LARGE1: variants seen among roughly 807,000 people sequenced by gnomAD.
LARGE1 encodes the protein xylosyl- and glucuronyltransferase LARGE1.
Under a neutral mutation model 87.6 loss-of-function variants are expected in LARGE1, and 43 were observed. The observed-to-expected ratio is 0.49, with a 90% CI of 0.38 to 0.63. LARGE1 has a LOEUF of 0.63. Ranked by LOEUF, LARGE1 falls within the 30% of genes least tolerant of loss-of-function variation. LARGE1 has a pLI of 0.00. For synonymous variants in LARGE1, 434 were observed against 394.6 expected (o/e 1.10, Z -1.18); for missense variants, 802 against 1,000.2 (o/e 0.80, Z 2.67).
intron 6 of LARGE1, among the ~76,000 whole-genome samples, chr22:33,553,521 C>T (rs999091300): frequency 6.6e-5 from 10 of 151,988 alleles, no homozygotes; most frequent in African/African-American, 2.4e-4. Context: ...GTCACAAAAA[C>T]AAAACAAAAC....
Position 33,291,503 on chromosome 22 carries a change from G to A in LARGE1, c.1731-8155C>T, listed in dbSNP as rs80153952. Among the ~76,000 whole-genome samples, 958 of 152,216 alleles carry A rather than the reference G, an allele frequency of 6.3e-3. 12 individuals are homozygous for A. The highest frequency in any genetic ancestry group is 0.022 in the African/African-American group (925 of 41,544). On this transcript the variant is annotated intron_variant, in intron 12 of 14. Coordinates refer to ENST00000397394, the MANE Select transcript of LARGE1 (RefSeq NM_133642.5). ...GGTGTCCCCCAACATTCATGTGTTG[G>A]AAGCTTAATTCCCAATGCAGCAGCA...
intron 6 of LARGE1, among the ~76,000 whole-genome samples, chr22:33,454,233 T>C (rs1047272716): frequency 6.6e-6 from 1 of 152,160 alleles, no homozygotes; most frequent in Non-Finnish European, 1.5e-5. Flanking sequence ...ATTACAGATT[T>C]GTTTCCCATA....
intron 2 of LARGE1, among the ~76,000 whole-genome samples, chr22:33,653,462 T>C (rs1256394610): frequency 6.6e-6 from 1 of 152,148 alleles, no homozygotes; most frequent in Admixed American, 6.5e-5. Context: ...TGGGCAGAAA[T>C]GCAGGAAGCT....
chr22:33,082,956 C>T, the LARGE1 span, among the ~76,000 whole-genome samples: 8 of 152,052 alleles, frequency 5.3e-5, no homozygotes, highest in African/African-American at 9.7e-5. Flanking sequence ...ACCCGGGAGG[C>T]GGAGCTTGCA....
the LARGE1 span, among the ~76,000 whole-genome samples, chr22:33,089,464 C>CTGTTCT: frequency 7.0e-6 from 1 of 142,352 alleles, no homozygotes; most frequent in South Asian, 2.3e-4. Flanking sequence ...CCTCCTCTTC[C>CTGTTCT]TCTTCTTCTT....
chr22:33,873,382 T>C (rs1156671312), intron 1 of LARGE1: 1 of 151,856 alleles, frequency 6.6e-6, no homozygotes, highest in Non-Finnish European at 1.5e-5. Context: ...TGCTGTGGAG[T>C]TATTTGTCTA....
chr22:33,741,454 C>G (rs149682981), intron 2 of LARGE1, among the ~76,000 whole-genome samples: 4 of 152,326 alleles, frequency 2.6e-5, no homozygotes, highest in Non-Finnish European at 5.9e-5. Context: ...AGACCAACAA[C>G]TGAAGCATCA....
chr22:33,201,452 G>GA lies in LARGE1; in HGVS notation c.1731-34621dup, dbSNP rs1410406263. On this transcript the variant is annotated intron_variant, in intron 11 of 11. Coordinates refer to the LARGE1 transcript ENST00000608642. The stretch of plus-strand genomic sequence containing the variant: ...GGAAAGAAGGAAGGAAGGAAGGGAG[G>GA]AGAAAAGAAAACATAGAACAGGTAA... Among the ~76,000 whole-genome samples, 7 of 136,032 alleles carry GA rather than the reference G, an allele frequency of 5.1e-5. No homozygotes were observed. In the Admixed American group the frequency reaches 5.2e-4, roughly 10 times the overall value. The allele number at this position is 136,032 out of a possible 152,430, so 89.2% of individuals were successfully genotyped here.
chr22:33,890,258 C>T (rs573995471), intron 1 of LARGE1, among the ~76,000 whole-genome samples: 37 of 152,218 alleles, frequency 2.4e-4, no homozygotes, highest in Non-Finnish European at 5.1e-4. Context: ...TCCACAATGC[C>T]TCAGATGCAA....
intron 11 of LARGE1, among the ~76,000 whole-genome samples, chr22:33,307,684 A>C (rs1298147323): frequency 6.6e-6 from 1 of 152,158 alleles, no homozygotes; most frequent in Non-Finnish European, 1.5e-5. Context: ...GTGGGGAAAA[A>C]AGACAATCAA....
At chr22:33,889,889 C>T (rs959311394) in intron 1 of LARGE1, among the ~76,000 whole-genome samples, 7 of 152,210 alleles carry the variant, frequency 4.6e-5, no homozygotes, top group Non-Finnish European at 1.5e-5. Context: ...ACGGAAATGG[C>T]CCCCGCCCTT....
chr22:33,410,460 CAGTG>C (rs906544322), intron 7 of LARGE1, among the ~76,000 whole-genome samples: 10 of 152,160 alleles, frequency 6.6e-5, no homozygotes, highest in African/African-American at 1.4e-4. Flanking sequence ...GTTCTCGTGA[CAGTG>C]AGTGAGTTCT....
intron 1 of LARGE1, among the ~76,000 whole-genome samples, chr22:33,870,044 G>C (rs532112445): frequency 6.6e-5 from 10 of 152,290 alleles, no homozygotes; most frequent in Admixed American, 2.6e-4. Context: ...ACCTTATTTG[G>C]AAACAAGTTC....
chr22:33,122,665 G>GT, the LARGE1 span, among the ~76,000 whole-genome samples: 2 of 151,966 alleles, frequency 1.3e-5, no homozygotes, highest in Non-Finnish European at 2.9e-5. Flanking sequence ...AGCCTGTTTT[G>GT]TTTTTTTCTA....
intron 1 of LARGE1, among the ~76,000 whole-genome samples, chr22:33,781,073 T>A (rs1164108912): frequency 6.6e-6 from 1 of 152,254 alleles, no homozygotes; most frequent in Non-Finnish European, 1.5e-5. Flanking sequence ...GCTTTAAGAA[T>A]CAATAGCCTG....
chr22:33,301,174 A>C (rs2146115338), intron 12 of LARGE1, among the ~76,000 whole-genome samples: 1 of 152,326 alleles, frequency 6.6e-6, no homozygotes, highest in East Asian at 1.9e-4. Flanking sequence ...TCAGAAATGA[A>C]TCCATCTACT....
intron 9 of LARGE1, among the ~76,000 whole-genome samples, chr22:33,372,002 T>C (rs2064826988): frequency 6.6e-6 from 1 of 151,866 alleles, no homozygotes; most frequent in Non-Finnish European, 1.5e-5. Flanking sequence ...AAAAAAAGTT[T>C]ATAAAATAAA....
chr22:33,911,979 A>T (rs913019984), intron 1 of LARGE1, among the ~76,000 whole-genome samples: 1 of 152,234 alleles, frequency 6.6e-6, no homozygotes. Context: ...TTCATTCACA[A>T]AACAAATCAT....
intron 1 of LARGE1, among the ~76,000 whole-genome samples, chr22:33,825,310 C>T (rs147353501): frequency 2.0e-4 from 31 of 151,356 alleles, no homozygotes; most frequent in African/African-American, 6.9e-4. Flanking sequence ...TCTGTTCTCA[C>T]ACTGCTAATA....
Sources: allele counts gnomAD v4.1 joint callset (sites outside exome capture counted in the v4.1 genomes callset), GRCh38; gene constraint gnomAD v4.1.1; transcripts MANE v1.5; gene names NCBI Gene and HGNC (gene_info 2026-07-23, HGNC 2026-07-21).